Variants in PSD3 observed in about 807,000 individuals in gnomAD.
The protein encoded by PSD3 is pleckstrin and Sec7 domain containing 3.
In PSD3, 49 loss-of-function variants were observed where a neutral mutation model predicts 105.5. The ratio of observed to expected loss-of-function variants is 0.46; its 90% CI spans 0.37 to 0.59. The LOEUF is 0.59. Among genes scored for constraint, PSD3 ranks in the 20% least tolerant of loss-of-function variants. The probability of loss-of-function intolerance (pLI) is 0.00; values close to 1 mark genes in which losing one functional copy is unlikely to be tolerated. For missense variants in PSD3, 1,561 were observed against 1,263.8 expected (o/e 1.24, Z -3.57); for synonymous variants, 557 against 457.8 (o/e 1.22, Z -2.77).
intron 1 of PSD3, among the ~76,000 whole-genome samples, chr8:19,082,857 T>A (rs1334997537): frequency 2.0e-5 from 3 of 152,226 alleles, no homozygotes; most frequent in Non-Finnish European, 4.4e-5. Flanking sequence ...TAGGATGGAA[T>A]GTGAACTATT....
rs1801070424 is a variant in PSD3 at position 18,556,313 on chromosome 8, T to C, written c.2824A>G (p.Ile942Val). The change falls in exon 15 of 16, where the codon ATC becomes GTC. Residue 942 changes from isoleucine (I) to valine (V), a missense_variant. Transcript: ENST00000327040. ...LKSHESKLKQITTELAEHRSY... is the reference protein window; with the variant it reads ...LKSHESKLKQVTTELAEHRSY... ...CGGTGCTCGGCCAGCTCGGTGGTGATCTGCTTCAGCTTACTTTCATGTGAC... is the reference window on the plus strand; with the variant it reads ...CGGTGCTCGGCCAGCTCGGTGGTGACCTGCTTCAGCTTACTTTCATGTGAC... 3.7e-6 allele frequency: 6 copies of C among 1,613,892 alleles called. No individual in the cohort carries two copies. The highest frequency in any genetic ancestry group is 3.3e-5 in the South Asian group (3 of 91,062).
rs149409325 is a variant in PSD3, at chr8:18,607,347, C to T, written c.2411-6913G>A. ...AATAGCACAGCAAATGATTGCTGAACACATACTGTTTTAGGCACTGTTCCA... is the reference window on the plus strand; with the variant it reads ...AATAGCACAGCAAATGATTGCTGAATACATACTGTTTTAGGCACTGTTCCA... On this transcript the variant is annotated intron_variant, in intron 11 of 15. Coordinates refer to ENST00000327040, the MANE Select transcript of PSD3 (RefSeq NM_015310.4). Among the ~76,000 whole-genome samples, 20 of 152,232 alleles carry T rather than the reference C, an allele frequency of 1.3e-4. 1 individual carries two copies. The East Asian group carries it at 3.1e-3, about 24-fold the overall frequency.
chr8:18,659,389 T>A (rs1202109761), intron 9 of PSD3, among the ~76,000 whole-genome samples: 3 of 152,180 alleles, frequency 2.0e-5, no homozygotes, highest in African/African-American at 7.2e-5. Context: ...AAAATGGGAT[T>A]TCAGAACTGA....
intron 1 of PSD3, among the ~76,000 whole-genome samples, chr8:18,967,617 A>T (rs2129471680): frequency 6.6e-6 from 1 of 152,298 alleles, no homozygotes; most frequent in Middle Eastern, 3.4e-3. Flanking sequence ...AACATCTTAG[A>T]ACCTTTGACC....
Position 18,808,864 on chromosome 8 carries a change from G to A in PSD3, c.1635-3966C>T, listed in dbSNP as rs994604583. 104 of 1,601,920 alleles carry A rather than the reference G, an allele frequency of 6.5e-5. No individual in the cohort carries two copies. The Middle Eastern group carries it at 8.4e-4, about 13-fold the overall frequency. ...GTATTCTTCAGCTCCCAAGTTCAGT[G>A]ACTGCCGAGCCTCACAGCCTTCCAA... On this transcript the variant is annotated intron_variant, in intron 4 of 15. Coordinates refer to ENST00000327040, the MANE Select transcript of PSD3 (RefSeq NM_015310.4).
intron 9 of PSD3, among the ~76,000 whole-genome samples, chr8:18,762,333 A>T (rs535063597): frequency 2.6e-5 from 4 of 152,224 alleles, no homozygotes; most frequent in African/African-American, 7.2e-5. Flanking sequence ...CCACGATTTT[A>T]GGTTTCCTGA....
intron 9 of PSD3, among the ~76,000 whole-genome samples, chr8:18,666,949 G>C (rs979177912): frequency 6.6e-6 from 1 of 152,168 alleles, no homozygotes; most frequent in African/African-American, 2.4e-5. Context: ...TCTTAAAGGA[G>C]ACGTGTCCGC....
chr8:19,038,448 T>G (rs919572465), intron 1 of PSD3, among the ~76,000 whole-genome samples: 2 of 152,158 alleles, frequency 1.3e-5, no homozygotes, highest in African/African-American at 2.4e-5. Context: ...ACCCCACATT[T>G]ATTTATTTAT....
intron 1 of PSD3, among the ~76,000 whole-genome samples, chr8:18,985,765 ATCTTT>A (rs1236612461): frequency 6.6e-6 from 1 of 152,106 alleles, no homozygotes; most frequent in Non-Finnish European, 1.5e-5. Context: ...TTGTAATGAG[ATCTTT>A]TCTTTCTAAA....
At chr8:19,013,497 A>T (rs1043847400) in intron 1 of PSD3, 66 bp downstream of exon 1, 11 of 1,577,182 alleles carry the variant, frequency 7.0e-6, no homozygotes, top group Admixed American at 5.1e-5. Context: ...AAAGCAACAC[A>T]AACCCCACGT....
At chr8:18,984,768 A>G (rs948548051) in intron 1 of PSD3, among the ~76,000 whole-genome samples, 2 of 152,212 alleles carry the variant, frequency 1.3e-5, no homozygotes, top group Non-Finnish European at 2.9e-5. Flanking sequence ...AAAAAAGATC[A>G]TACTTCTGCC....
chr8:18,816,156 T>G (rs1812207584), intron 4 of PSD3, among the ~76,000 whole-genome samples: 1 of 152,222 alleles, frequency 6.6e-6, no homozygotes. Context: ...AATGAATTAG[T>G]AATAATATCA....
At chr8:18,803,299 A>AAAG (rs1279253068) in intron 6 of PSD3, 6 of 163,610 alleles carry the variant, frequency 3.7e-5, no homozygotes, top group Non-Finnish European at 8.0e-5. Context: ...AAAAAAAAAA[A>AAAG]AAAAAAAAAA....
chr8:18,906,809 C>G (rs1243325972), intron 2 of PSD3, among the ~76,000 whole-genome samples: 1 of 152,084 alleles, frequency 6.6e-6, no homozygotes, highest in Admixed American at 6.5e-5. Flanking sequence ...ACTGCATATA[C>G]AAAAGATTAT....
intron 12 of PSD3, among the ~76,000 whole-genome samples, chr8:18,581,588 A>G (rs1027618461): frequency 1.3e-5 from 2 of 152,174 alleles, no homozygotes; most frequent in Admixed American, 1.3e-4. Context: ...GAGTTATAGC[A>G]AGTAGAAAGA....
Position 18,678,874 on chromosome 8 carries a change from G to C in PSD3, c.2173-23189C>G, listed in dbSNP as rs189099611. 6.6e-5 allele frequency among the ~76,000 whole-genome samples: 10 copies of C among 151,974 alleles called. No homozygotes were observed. In the East Asian group the frequency reaches 1.5e-3, roughly 23 times the overall value. Reference sequence around the variant, plus strand: ...TCAGAGTGCCAGCCCCTTGTGGTTTGGTACAACCCTAATTTATGCATCCCT... The same window carrying C: ...TCAGAGTGCCAGCCCCTTGTGGTTTCGTACAACCCTAATTTATGCATCCCT... On this transcript the variant is annotated intron_variant, in intron 9 of 15. Coordinates refer to ENST00000327040, the MANE Select transcript of PSD3 (RefSeq NM_015310.4).
chr8:18,926,155 T>G lies in PSD3; in HGVS notation c.130+9879A>C, dbSNP rs537963088. Among the ~76,000 whole-genome samples the G allele has an allele frequency of 5.1e-4, 77 of 151,940 alleles. 1 individual carries two copies. The South Asian group carries it at 0.016, about 31-fold the overall frequency. ...TAAATATGTATGTGTGAATCAGTGTTAGAAAATGATCGCTTCTTAGAAGAA... is the reference window on the plus strand; with the variant it reads ...TAAATATGTATGTGTGAATCAGTGTGAGAAAATGATCGCTTCTTAGAAGAA... On this transcript the variant is annotated intron_variant, in intron 2 of 15. Transcript: ENST00000327040.
intron 1 of PSD3, chr8:18,940,472 A>G (rs1019037377): frequency 4.6e-5 from 7 of 152,208 alleles, no homozygotes; most frequent in Non-Finnish European, 1.0e-4. Flanking sequence ...ACATTTTTTA[A>G]AAGGGACTGC....
chr8:18,925,144 G>A (rs995291373), intron 2 of PSD3, among the ~76,000 whole-genome samples: 3 of 152,112 alleles, frequency 2.0e-5, no homozygotes, highest in Non-Finnish European at 4.4e-5. Flanking sequence ...AGACAAATAA[G>A]CCAATTAAAA....
Sources: gnomAD v4.1 joint callset for allele counts (sites outside exome capture counted in the v4.1 genomes callset) on GRCh38, gnomAD v4.1.1 for gene constraint, MANE v1.5 for transcripts, NCBI Gene and HGNC (gene_info 2026-07-23, HGNC 2026-07-21) for gene names.